Variants in CAMSAP2 observed in about 807,000 individuals in gnomAD.
CAMSAP2 encodes the protein calmodulin-regulated spectrin-associated protein 2.
Under a neutral mutation model 146.1 loss-of-function variants are expected in CAMSAP2, and 26 were observed. That is an observed-to-expected ratio of 0.18 (90% CI 0.13 to 0.25). CAMSAP2 has a LOEUF of 0.25. CAMSAP2 is among the 10% of genes least tolerant of loss of function. The probability of loss-of-function intolerance (pLI) is 1.00; values close to 1 mark genes in which losing one functional copy is unlikely to be tolerated. For missense variants in CAMSAP2, 1,381 were observed against 1,759.3 expected (o/e 0.78, Z 3.85); for synonymous variants, 499 against 596.6 (o/e 0.84, Z 2.38).
At chr1:200,843,859 TTTTTGTTTTG>T (rs557690558) in intron 7 of CAMSAP2, among the ~76,000 whole-genome samples, 6 of 151,760 alleles carry the variant, frequency 4.0e-5, no homozygotes, top group Middle Eastern at 3.4e-3. Context: ...TGTTTGTTTG[TTTTTGTTTTG>T]TTTTGTTTTG....
At chr1:200,774,307 G>GA (rs200539713) in intron 2 of CAMSAP2, among the ~76,000 whole-genome samples, 24,091 of 146,104 alleles carry the variant, frequency 0.16, 2,493 homozygotes, top group East Asian at 0.36. Context: ...TTCTGTAATA[G>GA]AAAAAAAAAA....
intron 3 of CAMSAP2, among the ~76,000 whole-genome samples, chr1:200,813,027 GTC>G (rs1324185648): frequency 6.6e-6 from 1 of 152,130 alleles, no homozygotes; most frequent in Non-Finnish European, 1.5e-5. Context: ...AATTGTCTTA[GTC>G]TGTTTGGGTT....
chr1:200,763,986 G>A (rs1053976133), intron 2 of CAMSAP2, among the ~76,000 whole-genome samples: 1 of 151,958 alleles, frequency 6.6e-6, no homozygotes, highest in Admixed American at 6.6e-5. Flanking sequence ...CAGGAGAATC[G>A]CTTGAACCTG....
At chr1:200,854,953 CTAAG>C (rs1200186765) in intron 14 of CAMSAP2, 64 bp downstream of exon 14, 1 of 1,193,524 alleles carries the variant, frequency 8.4e-7, no homozygotes, top group African/African-American at 1.5e-5. Context: ...TATACAAACT[CTAAG>C]TAAAAATTCT....
chr1:200,849,988 A>G lies in CAMSAP2; in HGVS notation c.3219A>G (p.Leu1073=), dbSNP rs768239938. 6 of 1,614,164 alleles carry G rather than the reference A, an allele frequency of 3.7e-6. No individual in the cohort carries two copies. Among genetic ancestry groups the G allele is most frequent in the South Asian group, 3.3e-5 (3 of 91,084 alleles). ...KPFESTVSEV[L]SLPVTETVCL... is the part of the protein sequence containing the mutation. ...TTGAGTCAACAGTCTCTGAAGTCCT[A>G]TCACTGCCTGTCACAGAGACTGTAT... Residue 1073 remains leucine, a synonymous_variant, in exon 11 of 17, where the codon CTA becomes CTG. Transcript: ENST00000358823. The surrounding 1 kb of genome is among the most constrained non-coding windows in gnomAD (Gnocchi z 6.3).
Position 200,853,511 on chromosome 1 carries a change from A to T in CAMSAP2, c.3823+16A>T, listed in dbSNP as rs771170528. ...GGTCCTCCAGGTAACATAGCTTATTATGAAGAGTCTGTTCATAAAAAACAC... is the reference window on the plus strand; with the variant it reads ...GGTCCTCCAGGTAACATAGCTTATTTTGAAGAGTCTGTTCATAAAAAACAC... On this transcript the variant is annotated intron_variant, in intron 13 of 16. Transcript: ENST00000358823. The surrounding 1 kb of genome is among the most constrained non-coding windows in gnomAD (Gnocchi z 5.1). 6.4e-7 allele frequency: 1 copy of T among 1,570,768 alleles called. No homozygotes were observed. The highest frequency in any genetic ancestry group is 8.7e-7 in the Non-Finnish European group (1 of 1,144,218).
chr1:200,782,782 CTTTT>C (rs57995961), intron 2 of CAMSAP2, among the ~76,000 whole-genome samples: 3 of 72,282 alleles, frequency 4.2e-5, no homozygotes, highest in South Asian at 5.2e-4. Context: ...TCATTTCTCT[CTTTT>C]TTTTTTTTTT....
chr1:200,779,534 A>G (rs910844235), intron 2 of CAMSAP2, among the ~76,000 whole-genome samples: 32 of 152,128 alleles, frequency 2.1e-4, no homozygotes, highest in African/African-American at 6.8e-4. Flanking sequence ...AGCTGAGAGT[A>G]GTGGTTATTG....
intron 2 of CAMSAP2, among the ~76,000 whole-genome samples, chr1:200,781,682 C>T (rs1389762352): frequency 6.6e-6 from 1 of 152,048 alleles, no homozygotes; most frequent in Admixed American, 6.6e-5. Flanking sequence ...GCTGGGATTA[C>T]AGGGATGCTC....
At chr1:200,788,150 G>A (rs1463028671) in intron 2 of CAMSAP2, among the ~76,000 whole-genome samples, 4 of 152,120 alleles carry the variant, frequency 2.6e-5, no homozygotes, top group African/African-American at 9.7e-5. Flanking sequence ...TTTTCACATT[G>A]ACTTTTTATT....
At chr1:200,744,775 G>C (rs1239701924) in intron 1 of CAMSAP2, among the ~76,000 whole-genome samples, 1 of 152,108 alleles carries the variant, frequency 6.6e-6, no homozygotes, top group Non-Finnish European at 1.5e-5. Flanking sequence ...ATGGTAGATG[G>C]AGGAAATGGT....
intron 2 of CAMSAP2, among the ~76,000 whole-genome samples, chr1:200,766,462 T>A (rs1429064287): frequency 6.6e-6 from 1 of 152,198 alleles, no homozygotes; most frequent in African/African-American, 2.4e-5. Flanking sequence ...CTGTGTGCCA[T>A]GCAGTGTGCT....
chr1:200,795,970 A>C (rs1387231565), intron 2 of CAMSAP2, among the ~76,000 whole-genome samples: 2 of 152,210 alleles, frequency 1.3e-5, no homozygotes, highest in Non-Finnish European at 2.9e-5. Flanking sequence ...GGGAGGTCCA[A>C]ATAAAATAAA....
intron 4 of CAMSAP2, among the ~76,000 whole-genome samples, chr1:200,831,631 T>G (rs1667045818): frequency 7.1e-6 from 1 of 141,780 alleles, no homozygotes; most frequent in Non-Finnish European, 1.6e-5. Flanking sequence ...GTTGGAAGGG[T>G]TTTTTTTTTT....
chr1:200,763,148 C>T (rs1664846512), intron 2 of CAMSAP2, among the ~76,000 whole-genome samples: 1 of 152,180 alleles, frequency 6.6e-6, no homozygotes, highest in African/African-American at 2.4e-5. Flanking sequence ...GATCCTCCCA[C>T]CTCAGCCTCT....
intron 6 of CAMSAP2, among the ~76,000 whole-genome samples, chr1:200,840,607 T>G (rs1006625988): frequency 6.6e-6 from 1 of 152,046 alleles, no homozygotes; most frequent in Non-Finnish European, 1.5e-5. Context: ...TCCAGAACTA[T>G]CAGATGAGAG....
At chr1:200,795,255 G>A (rs545293670) in intron 2 of CAMSAP2, among the ~76,000 whole-genome samples, 1 of 152,302 alleles carries the variant, frequency 6.6e-6, no homozygotes, top group South Asian at 2.1e-4. Flanking sequence ...TGACTGTAGA[G>A]TGATGTGATT....
At chr1:200,756,068 T>G (rs1433398237) in intron 1 of CAMSAP2, among the ~76,000 whole-genome samples, 1 of 151,994 alleles carries the variant, frequency 6.6e-6, no homozygotes, top group Non-Finnish European at 1.5e-5. Flanking sequence ...GTGGAGGAAG[T>G]TGAGGTCAGA....
intron 4 of CAMSAP2, among the ~76,000 whole-genome samples, chr1:200,817,112 GTGTGTATATACACGTATATA>G (rs1400937218): frequency 2.1e-5 from 3 of 143,444 alleles, no homozygotes; most frequent in Non-Finnish European, 4.7e-5. Context: ...ACACACACGT[GTGTGTATATACACGTATATA>G]TGTGTATATA....
Sources: gnomAD v4.1 joint callset for allele counts (sites outside exome capture counted in the v4.1 genomes callset) on GRCh38, gnomAD v4.1.1 for gene constraint, Gnocchi (gnomAD v3.1) non-coding constraint, MANE v1.5 for transcripts, NCBI Gene and HGNC (gene_info 2026-07-23, HGNC 2026-07-21) for gene names.